The following SYVN1 variants were observed in gnomAD, a reference collection of about 807,000 sequenced individuals.
SYVN1 encodes the protein synoviolin 1.
SYVN1 carries 17 observed loss-of-function variants against 62.6 expected under a neutral mutation model. The ratio of observed to expected loss-of-function variants is 0.27; its 90% CI spans 0.19 to 0.41. The LOEUF (loss-of-function observed/expected upper bound fraction) is 0.41. Among genes scored for constraint, SYVN1 ranks in the 10% least tolerant of loss-of-function variants. The pLI, the probability that SYVN1 is intolerant of heterozygous loss-of-function variation, is 1.00. For missense variants in SYVN1, 634 were observed against 818.0 expected, an observed-to-expected ratio of 0.78 and a Z score of 2.74; for synonymous variants, 316 against 304.0, an observed-to-expected ratio of 1.04 and a Z score of -0.41.
At chr11:65,129,040 C>CT in intron 14 of SYVN1, 1 of 282,162 alleles carries the variant, frequency 3.5e-6, no homozygotes, top group South Asian at 7.2e-5. Flanking sequence ...GCCTTGGACT[C>CT]AAGTTCCTCT....
intron 1 of SYVN1, chr11:65,134,134 T>G (rs1948217202): frequency 6.5e-6 from 1 of 153,894 alleles, no homozygotes; most frequent in Non-Finnish European, 1.4e-5. Flanking sequence ...AACGTCAGCC[T>G]GGAATCCTGG....
chr11:65,130,591 C>A (rs1488909722), intron 11 of SYVN1, 69 bp downstream of exon 11: 1 of 1,476,818 alleles, frequency 6.8e-7, no homozygotes, highest in Non-Finnish European at 9.0e-7. Flanking sequence ...AATTTCCCAG[C>A]ATCTTCCACA....
chr11:65,129,802 G>A lies in SYVN1; in HGVS notation c.1522C>T (p.Arg508Cys), dbSNP rs768444718. 2.7e-5 allele frequency: 43 copies of A among 1,614,106 alleles called. No individual in the cohort carries two copies. The highest frequency in any genetic ancestry group is 6.7e-5 in the Admixed American group (4 of 60,016). The change falls in exon 14 of 16, where the codon CGT becomes TGT. Residue 508 changes from arginine to cysteine, a missense_variant. Arg to Cys is a radical substitution (Grantham distance 180). Around this residue, in one of 2 missense-constraint regions of SYVN1, gnomAD observed 351 missense variants for 373.3 expected, o/e 0.94. Coordinates refer to ENST00000377190, the MANE Select transcript of SYVN1 (RefSeq NM_172230.3). ...QHLEARLQSLRNIHTLLDAAM... is the reference protein window; with the variant it reads ...QHLEARLQSLCNIHTLLDAAM... ...GCGTCCAGCAGTGTGTGGATGTTAC[G>A]CAGGCTCTGCAGCCGGGCCTCCAGG...
chr11:65,133,714 GA>G, intron 1 of SYVN1, 96 bp from the exon 2 acceptor site: 1 of 987,248 alleles, frequency 1.0e-6, no homozygotes, highest in East Asian at 2.6e-5. Context: ...AAGTGGGGGG[GA>G]AATCACATTT....
At position 65,132,969 on chromosome 11, in the gene SYVN1, GAAGAA is replaced by G. The variant is rs1337166488; in HGVS notation, c.326_330del (p.Leu109ProfsTer11). ...AGCCAGTGGAAACATTTGAGGAAGA[GAAGAA>G]GAGTGAAGAGTGCAACAAAGCGGGG... is the stretch of plus-strand genomic sequence containing the variant. On this transcript the variant is annotated frameshift_variant, in exon 4 of 16. Coordinates refer to ENST00000377190, the MANE Select transcript of SYVN1 (RefSeq NM_172230.3). LOFTEE classifies it high-confidence loss of function. 6.2e-7 allele frequency: 1 copy of G among 1,614,222 alleles called. No individual in the cohort carries two copies. Among genetic ancestry groups the G allele is most frequent in the East Asian group, 2.2e-5 (1 of 44,888 alleles).
chr11:65,132,587 C>T, intron 5 of SYVN1, 145 bp downstream of exon 5: 3 of 1,065,056 alleles, frequency 2.8e-6, no homozygotes, highest in Non-Finnish European at 4.3e-6. Flanking sequence ...TTGAGAAGCC[C>T]TAGAGTGGAA....
Position 65,132,758 on chromosome 11 carries a change from G to A in SYVN1, c.401C>T (p.Ser134Phe), listed in dbSNP as rs1948197618. Residue 134 changes from serine to phenylalanine, a missense_variant, in exon 5 of 16, where the codon TCC (serine) becomes TTC (phenylalanine). This residue lies in a region of SYVN1 where 283 missense variants were observed against 444.7 expected (regional missense o/e 0.64). Coordinates refer to ENST00000377190, the MANE Select transcript of SYVN1 (RefSeq NM_172230.3). ...VDFMERSPNI[S>F]WLFHCRIVSL... is the part of the protein sequence containing the mutation. ...GACAATGCGGCAGTGAAAGAGCCAG[G>A]AGATGTTGGGGCTGCGTTCCATCTG... 6.2e-7 allele frequency: 1 copy of A among 1,614,204 alleles called. No individual in the cohort carries two copies. The highest frequency in any genetic ancestry group is 8.5e-7 in the Non-Finnish European group (1 of 1,180,036).
intron 14 of SYVN1, 135 bp from the exon 15 acceptor site, chr11:65,128,849 A>G: frequency 1.1e-6 from 1 of 916,504 alleles, no homozygotes; most frequent in Non-Finnish European, 1.6e-6. Context: ...GGCAAACACA[A>G]GTGAACATGC....
rs764259929 is a variant in SYVN1, at chr11:65,133,554, C to T, written c.48G>A (p.Gly16=). ...VMMAASLALT[G]AVVAHAYYLK... ...GGTAGTAGGCGTGAGCCACCACAGC[C>T]CCGGTCAGCGCCAGGCTGGCCGCCA... Residue 16 remains glycine (G), a synonymous_variant, in exon 2 of 16, where the codon GGG becomes GGA. Transcript: ENST00000377190. 6 of 1,612,994 alleles carry T rather than the reference C, an allele frequency of 3.7e-6. No homozygotes were observed. The South Asian group carries it at 5.5e-5, about 15-fold the overall frequency.
At chr11:65,128,816 G>T in intron 14 of SYVN1, 102 bp from the exon 15 acceptor site, 1 of 1,256,406 alleles carries the variant, frequency 8.0e-7, no homozygotes, top group Non-Finnish European at 1.1e-6. Context: ...ATAGAATGAT[G>T]TGCCCTTGTG....
chr11:65,129,923 G>T lies in SYVN1; in HGVS notation c.1409-8C>A. The T allele has an allele frequency of 6.2e-7, 1 of 1,612,622 alleles. No homozygotes were observed. Among genetic ancestry groups the T allele is most frequent in the Non-Finnish European group, 8.5e-7 (1 of 1,179,016 alleles). Reference sequence around the variant, plus strand: ...CAGGCATTGGGGGGAAGGCTGGAGAGAGAGAGGCTCAGTCTGGGCTGCTGG... The same window carrying T: ...CAGGCATTGGGGGGAAGGCTGGAGATAGAGAGGCTCAGTCTGGGCTGCTGG... On this transcript the variant is annotated splice_region_variant and splice_polypyrimidine_tract_variant and intron_variant, in intron 13 of 15. Coordinates refer to ENST00000377190, the MANE Select transcript of SYVN1 (RefSeq NM_172230.3).
rs1948194407 is a variant in SYVN1, at chr11:65,132,528, G to A, written c.428-177C>T. The A allele has an allele frequency of 3.9e-6, 3 of 762,078 alleles. No homozygotes were observed. The South Asian group carries it at 5.1e-5, about 13-fold the overall frequency. 47.2% of individuals were successfully genotyped at this position (762,078 alleles called of 1,614,324 possible). ...TTCCTGGGGGAGGGGGAGTTGTTGGGGCTGCCCAGGCTGCAGGTGAGAAGG... is the reference window on the plus strand; with the variant it reads ...TTCCTGGGGGAGGGGGAGTTGTTGGAGCTGCCCAGGCTGCAGGTGAGAAGG... On this transcript the variant is annotated intron_variant, in intron 5 of 15. Coordinates refer to ENST00000377190, the MANE Select transcript of SYVN1 (RefSeq NM_172230.3).
rs1488089412 is a variant in SYVN1 at position 65,129,931 on chromosome 11, C to T, written c.1409-16G>A. 2 of 1,611,588 alleles carry T rather than the reference C, an allele frequency of 1.2e-6. No homozygotes were observed. The highest frequency in any genetic ancestry group is 1.7e-6 in the Non-Finnish European group (2 of 1,178,338). Reference sequence around the variant, plus strand: ...GGGGGGAAGGCTGGAGAGAGAGAGGCTCAGTCTGGGCTGCTGGGGCCAGAC... The same window carrying T: ...GGGGGGAAGGCTGGAGAGAGAGAGGTTCAGTCTGGGCTGCTGGGGCCAGAC... On this transcript the variant is annotated splice_polypyrimidine_tract_variant and intron_variant, in intron 13 of 15. Transcript: ENST00000377190.
intron 6 of SYVN1, 86 bp downstream of exon 6, chr11:65,132,162 G>A: frequency 9.3e-7 from 1 of 1,071,832 alleles, no homozygotes; most frequent in Non-Finnish European, 1.5e-6. Flanking sequence ...CACATAGCAG[G>A]TGCTGAGGAA....
intron 15 of SYVN1, 29 bp downstream of exon 15, chr11:65,128,534 T>C: frequency 6.2e-7 from 1 of 1,611,676 alleles, no homozygotes; most frequent in Non-Finnish European, 8.5e-7. Context: ...AGTTCCCTGC[T>C]CCCCCGGCTG....
chr11:65,129,846 T>G lies in SYVN1; in HGVS notation c.1478A>C (p.Glu493Ala), dbSNP rs1948151464. The change falls in exon 14 of 16, where the codon GAG (glutamate) becomes GCG (alanine). Residue 493 changes from glutamate to alanine, a missense_variant. This residue lies in a region of SYVN1 where 351 missense variants were observed against 373.3 expected (regional missense o/e 0.94). Transcript: ENST00000377190. ...GLTPEELRALEGHERQHLEAR... is the reference protein window; with the variant it reads ...GLTPEELRALAGHERQHLEAR... ...CTCCAGGTGCTGCCGCTCATGGCCC[T>G]CCAGAGCTCGTAGCTCCTCTGGGGT... 1 of 1,613,966 alleles carries G rather than the reference T, an allele frequency of 6.2e-7. No homozygotes were observed. Among genetic ancestry groups the G allele is most frequent in the Non-Finnish European group, 8.5e-7 (1 of 1,180,028 alleles).
intron 6 of SYVN1, 28 bp from the exon 7 acceptor site, chr11:65,131,624 G>A (rs1355960094): frequency 2.8e-5 from 45 of 1,609,954 alleles, no homozygotes; most frequent in Non-Finnish European, 3.7e-5. Flanking sequence ...CGAGGGGGAT[G>A]TAAACACATA....
rs1348307628 is a variant in SYVN1, at chr11:65,133,709, G to C, written c.-17-91C>G. 5 of 1,038,028 alleles carry C rather than the reference G, an allele frequency of 4.8e-6. No homozygotes were observed. In the Admixed American group the frequency reaches 1.2e-4, roughly 26 times the overall value. 64.3% of individuals were successfully genotyped at this position (1,038,028 alleles called of 1,614,324 possible). Reference sequence around the variant, plus strand: ...CAGCCTCAATTCATAGGAGAAAGTGGGGGGGAAATCACATTTCGCCCTCGA... The same window carrying C: ...CAGCCTCAATTCATAGGAGAAAGTGCGGGGGAAATCACATTTCGCCCTCGA... On this transcript the variant is annotated intron_variant, in intron 1 of 15. Coordinates refer to ENST00000377190, the MANE Select transcript of SYVN1 (RefSeq NM_172230.3).
chr11:65,129,770 C>T lies in SYVN1; in HGVS notation c.1554G>A (p.Met518Ile). ...RNIHTLLDAA[M>I]LQINQYLTVL... ...CGGTGAGGTACTGGTTGATCTGCAG[C>T]ATGGCGGCGTCCAGCAGTGTGTGGA... The change falls in exon 14 of 16, where the codon ATG (methionine) becomes ATA (isoleucine). Residue 518 changes from methionine to isoleucine, a missense_variant. Transcript: ENST00000377190. 6.2e-7 allele frequency: 1 copy of T among 1,614,270 alleles called. No homozygotes were observed. Among genetic ancestry groups the T allele is most frequent in the East Asian group, 2.2e-5 (1 of 44,888 alleles).
Sources: allele counts gnomAD v4.1 joint callset, GRCh38; gene constraint gnomAD v4.1.1; regional missense constraint gnomAD v4.1.1; transcripts MANE v1.5; gene names NCBI Gene and HGNC (gene_info 2026-07-23, HGNC 2026-07-21).